Variants in HTT observed in about 807,000 individuals in gnomAD.
The protein encoded by HTT is huntingtin.
In HTT, 104 loss-of-function variants were observed where a neutral mutation model predicts 362.3. The ratio of observed to expected loss-of-function variants is 0.29; its 90% CI spans 0.24 to 0.34. HTT has a LOEUF of 0.34. Among genes scored for constraint, HTT ranks in the 10% least tolerant of loss-of-function variants. The probability of loss-of-function intolerance (pLI) is 1.00; values close to 1 mark genes in which losing one functional copy is unlikely to be tolerated. For synonymous variants in HTT, 1,577 were observed against 1,548.7 expected (o/e 1.02, Z -0.43); for missense variants, 3,301 against 3,928.6 (o/e 0.84, Z 4.27).
At chr4:3,186,875 G>A (rs1718788293) in intron 38 of HTT, among the ~76,000 whole-genome samples, 156 bp downstream of exon 38, 1 of 141,312 alleles carries the variant, frequency 7.1e-6, no homozygotes, top group Non-Finnish European at 1.5e-5. Flanking sequence ...TGGGGGTGGT[G>A]CGGAACAGAG....
intron 10 of HTT, among the ~76,000 whole-genome samples, chr4:3,124,569 G>A (rs1374252219): frequency 6.6e-6 from 1 of 152,158 alleles, no homozygotes; most frequent in East Asian, 1.9e-4. Flanking sequence ...TTACCCTGGG[G>A]ACGGCTCTGT....
At chr4:3,193,593 A>G (rs755938267) in intron 40 of HTT, among the ~76,000 whole-genome samples, 8 of 152,172 alleles carry the variant, frequency 5.3e-5, no homozygotes, top group Non-Finnish European at 1.0e-4. Flanking sequence ...CCATCTCACA[A>G]TTGAGGCAAA....
At chr4:3,201,500 A>G (rs1291781433) in intron 41 of HTT, among the ~76,000 whole-genome samples, 5 of 145,008 alleles carry the variant, frequency 3.4e-5, no homozygotes, top group African/African-American at 1.3e-4. Context: ...ACTGCACTCT[A>G]GCCTGGGTGA....
At chr4:3,197,441 C>T (rs1281399664) in intron 40 of HTT, among the ~76,000 whole-genome samples, 10 of 152,094 alleles carry the variant, frequency 6.6e-5, no homozygotes, top group East Asian at 1.9e-4. Context: ...GTATGTTCCT[C>T]CTCCCGCTAC....
intron 19 of HTT, among the ~76,000 whole-genome samples, chr4:3,135,537 G>A (rs1716022070): frequency 6.6e-6 from 1 of 151,832 alleles, no homozygotes; most frequent in African/African-American, 2.4e-5. Context: ...CTTGTTCTCG[G>A]CTCCACCCAC....
At chr4:3,093,043 C>T (rs1713600823) in intron 2 of HTT, among the ~76,000 whole-genome samples, 1 of 152,064 alleles carries the variant, frequency 6.6e-6, no homozygotes, top group Non-Finnish European at 1.5e-5. Context: ...TGGTGAGAGC[C>T]CATATGGAAG....
chr4:3,174,923 CTTTCTTTT>C lies in HTT; in HGVS notation c.4246-12_4246-5del, dbSNP rs376492177. ...TTGAAGGCTTACTTATGGATTCTTT[CTTTCTTTT>C]TTTCTTTTTTATAGAATGCTATTCA... On this transcript the variant is annotated splice_polypyrimidine_tract_variant and intron_variant, in intron 32 of 66. Coordinates refer to ENST00000355072, the MANE Select transcript of HTT (RefSeq NM_001388492.1). The C allele has an allele frequency of 7.7e-6, 12 of 1,554,486 alleles. No individual in the cohort carries two copies. In the East Asian group the frequency reaches 2.1e-4, roughly 27 times the overall value.
At chr4:3,205,509 T>C (rs1171063991) in intron 42 of HTT, among the ~76,000 whole-genome samples, 1 of 152,178 alleles carries the variant, frequency 6.6e-6, no homozygotes, top group Admixed American at 6.5e-5. Context: ...TTTATAATGC[T>C]GTTTTTCACA....
At chr4:3,170,158 G>C (rs771969621) in intron 29 of HTT, among the ~76,000 whole-genome samples, 4 of 152,108 alleles carry the variant, frequency 2.6e-5, no homozygotes, top group Non-Finnish European at 5.9e-5. Context: ...TTTGTTGGAT[G>C]CTATATATTT....
At chr4:3,153,906 C>A (rs1043065042) in intron 26 of HTT, among the ~76,000 whole-genome samples, 7 of 151,962 alleles carry the variant, frequency 4.6e-5, no homozygotes, top group Non-Finnish European at 8.8e-5. Context: ...ACGAGTGAGA[C>A]CCTGTCTCAA....
intron 52 of HTT, among the ~76,000 whole-genome samples, chr4:3,219,861 GCA>G (rs748687500): frequency 3.3e-4 from 50 of 152,320 alleles, no homozygotes; most frequent in Non-Finnish European, 6.2e-4. Context: ...TTCTAGCACA[GCA>G]CCTGCTGTTT....
Position 3,243,342 on chromosome 4 carries a change from G to A in HTT, c.*3283G>A, listed in dbSNP as rs1248233720. 2.6e-5 allele frequency: 4 copies of A among 152,538 alleles called. No homozygotes were observed. The highest frequency in any genetic ancestry group is 1.9e-4 in the East Asian group (1 of 5,192). 9.4% of individuals were successfully genotyped at this position (152,538 alleles called of 1,614,324 possible). On this transcript the variant is annotated 3_prime_UTR_variant, in exon 67 of 67. Transcript: ENST00000355072. ...CTTCCTCCCTCTGCGGGGAGGACCC[G>A]GGACCACAGCTGCTGGCCAGGGTAG... is the stretch of plus-strand genomic sequence containing the variant.
At chr4:3,140,402 C>T (rs1027397349) in intron 21 of HTT, 108 bp from the exon 22 acceptor site, 9 of 873,800 alleles carry the variant, frequency 1.0e-5, no homozygotes, top group African/African-American at 5.0e-5. Context: ...AAGTGGTGTC[C>T]GCTGGTAACC....
intron 61 of HTT, among the ~76,000 whole-genome samples, 171 bp from the exon 62 acceptor site, chr4:3,235,113 C>T (rs1235643419): frequency 6.6e-6 from 1 of 152,098 alleles, no homozygotes; most frequent in Non-Finnish European, 1.5e-5. Context: ...CAAGCAGAGG[C>T]TGAAGGGTCA....
chr4:3,095,142 C>A (rs1044427027), intron 2 of HTT, among the ~76,000 whole-genome samples: 2 of 152,322 alleles, frequency 1.3e-5, no homozygotes, highest in African/African-American at 4.8e-5. Flanking sequence ...GGGCAGAGGC[C>A]GCAATCTTGG....
At chr4:3,101,835 T>C (rs2110158027) in intron 3 of HTT, among the ~76,000 whole-genome samples, 1 of 152,268 alleles carries the variant, frequency 6.6e-6, no homozygotes, top group East Asian at 1.9e-4. Flanking sequence ...GTCAAGAGGC[T>C]GAAGTGATTT....
intron 64 of HTT, among the ~76,000 whole-genome samples, chr4:3,237,158 C>T (rs1202085345): frequency 6.6e-6 from 1 of 151,136 alleles, no homozygotes; most frequent in Non-Finnish European, 1.5e-5. Context: ...ACTGCAACCT[C>T]CGCCTCCCGG....
chr4:3,214,384 A>G (rs1720297529), intron 50 of HTT, among the ~76,000 whole-genome samples: 1 of 152,194 alleles, frequency 6.6e-6, no homozygotes, highest in African/African-American at 2.4e-5. Context: ...AGCTTTCATC[A>G]AAAATACCTC....
At chr4:3,127,969 A>C (rs113454410) in intron 12 of HTT, among the ~76,000 whole-genome samples, 5,677 of 151,958 alleles carry the variant, frequency 0.037, 324 homozygotes, top group African/African-American at 0.13. Context: ...ATTTCAAAAA[A>C]AATAAAAAAA....
Sources: allele counts gnomAD v4.1 joint callset (sites outside exome capture counted in the v4.1 genomes callset), GRCh38; gene constraint gnomAD v4.1.1; transcripts MANE v1.5; gene names NCBI Gene and HGNC (gene_info 2026-07-23, HGNC 2026-07-21).